The following CES5A variants were observed in gnomAD, a reference collection of about 807,000 sequenced individuals.
CES5A encodes the protein carboxylesterase 5.
In CES5A, 67 loss-of-function variants were observed where a neutral mutation model predicts 62.9. That is an observed-to-expected ratio of 1.07 (90% CI 0.88 to 1.31). CES5A has a LOEUF of 1.31. Among genes scored for constraint, CES5A ranks in the 50% most tolerant of loss-of-function variants. The pLI is 0.00. For missense variants in CES5A, 748 were observed against 708.5 expected (o/e 1.06, Z -0.63); for synonymous variants, 296 against 280.8 (o/e 1.05, Z -0.54).
chr16:55,846,718 C>T, intron 12 of CES5A, 36 bp from the exon 13 acceptor site: 4 of 1,612,796 alleles, frequency 2.5e-6, no homozygotes, highest in Non-Finnish European at 3.4e-6. Context: ...TGAGATTTTC[C>T]TCCTCACACC....
At position 55,943,519 on chromosome 16, in the gene CES5A, C is replaced by G. The variant is rs139952416; in HGVS notation, c.160+6266G>C. ...TAAATGTCAGCTTCCTCAATTCTCA[C>G]CACATTAATCTCTTTTGCATACCAA... is the stretch of plus-strand genomic sequence containing the variant. On this transcript the variant is annotated intron_variant, in intron 2 of 13. Transcript: ENST00000521992. Among the ~76,000 whole-genome samples, 225 of 152,318 alleles carry G rather than the reference C, an allele frequency of 1.5e-3. 1 individual carries two copies. The highest frequency in any genetic ancestry group is 5.1e-3 in the African/African-American group (211 of 41,594).
intron 1 of CES5A, among the ~76,000 whole-genome samples, chr16:55,918,616 C>G (rs1383782609): frequency 1.3e-5 from 2 of 152,128 alleles, no homozygotes; most frequent in African/African-American, 4.8e-5. Context: ...TGTGACTATT[C>G]CTATTTTCAA....
At chr16:55,947,309 G>T (rs551997257) in intron 2 of CES5A, among the ~76,000 whole-genome samples, 19 of 152,292 alleles carry the variant, frequency 1.2e-4, no homozygotes, top group Admixed American at 9.2e-4. Flanking sequence ...GATACGAAAA[G>T]GGGCTTATGG....
At chr16:55,848,765 T>C (rs2033068626) in intron 11 of CES5A, among the ~76,000 whole-genome samples, 1 of 152,140 alleles carries the variant, frequency 6.6e-6, no homozygotes, top group Non-Finnish European at 1.5e-5. Flanking sequence ...GTTTAGGGAG[T>C]CCATGTGCCA....
intron 7 of CES5A, among the ~76,000 whole-genome samples, chr16:55,860,153 GC>G (rs777283093): frequency 5.3e-5 from 8 of 150,920 alleles, no homozygotes; most frequent in Non-Finnish European, 1.2e-4. Flanking sequence ...CCCTGAACAA[GC>G]TTTTTTTTTG....
In CES5A at chr16:55,869,749, G is replaced by A; in HGVS notation, c.418-5C>T. The A allele has an allele frequency of 6.3e-7, 1 of 1,598,310 alleles. No individual in the cohort carries two copies. Among genetic ancestry groups the A allele is most frequent in the Non-Finnish European group, 8.5e-7 (1 of 1,170,682 alleles). Reference sequence around the variant, plus strand: ...TCCTGGGAACCACACCAAGACCTGAGGAGGGGAGAAGAGCATCCAGTCAGC... The same window carrying A: ...TCCTGGGAACCACACCAAGACCTGAAGAGGGGAGAAGAGCATCCAGTCAGC... On this transcript the variant is annotated splice_region_variant and splice_polypyrimidine_tract_variant and intron_variant, in intron 3 of 12. Transcript: ENST00000290567.
chr16:55,930,755 CT>C (rs2034302377), intron 2 of CES5A, among the ~76,000 whole-genome samples: 1 of 152,122 alleles, frequency 6.6e-6, no homozygotes, highest in African/African-American at 2.4e-5. Context: ...TTTTCCAGTG[CT>C]AAACTGTAGG....
At position 55,873,897 on chromosome 16, in the gene CES5A, A is replaced by G; in HGVS notation, c.214T>C (p.Phe72Leu). 1 of 1,613,806 alleles carries G rather than the reference A, an allele frequency of 6.2e-7. No individual in the cohort carries two copies. The highest frequency in any genetic ancestry group is 8.5e-7 in the Non-Finnish European group (1 of 1,179,976). ...GGCGATGCAGGCTGCGGGTTCGTAA[A>G]TCGCAGGGATCCCAGCGGGGGAGCA... ...FAAPPLGSLRFTNPQPASPWD... is the reference protein window; with the variant it reads ...FAAPPLGSLRLTNPQPASPWD... The change falls in exon 2 of 13, where the codon TTT becomes CTT. Residue 72 changes from phenylalanine to leucine, a missense_variant. Phe to Leu is a conservative substitution (Grantham distance 22). Coordinates refer to ENST00000290567, the MANE Select transcript of CES5A (RefSeq NM_001143685.2).
At chr16:55,853,287 T>C (rs146098907) in intron 9 of CES5A, among the ~76,000 whole-genome samples, 3 of 152,342 alleles carry the variant, frequency 2.0e-5, no homozygotes, top group Non-Finnish European at 4.4e-5. Context: ...AATCCCATGC[T>C]CCTGACCACA....
intron 3 of CES5A, 41 bp from the exon 4 acceptor site, chr16:55,869,785 C>T: frequency 6.4e-7 from 1 of 1,565,002 alleles, no homozygotes; most frequent in South Asian, 1.2e-5. Flanking sequence ...CCACCAGGCA[C>T]CACCTCCCCT....
At position 55,871,856 on chromosome 16, in the gene CES5A, G is replaced by A. The variant is rs78002815; in HGVS notation, c.279-93C>T. 3.2e-5 allele frequency: 43 copies of A among 1,354,204 alleles called. 1 individual carries two copies. The highest frequency in any genetic ancestry group is 9.1e-5 in the South Asian group (7 of 76,758). 83.9% of individuals were successfully genotyped at this position (1,354,204 alleles called of 1,614,324 possible). The stretch of plus-strand genomic sequence containing the variant: ...CTTCTGACAGCGGGGAGGCCTGGCC[G>A]TCTCCTCTGCCTGAGCAGAAGAGGC... On this transcript the variant is annotated intron_variant, in intron 2 of 12. Coordinates refer to ENST00000290567, the MANE Select transcript of CES5A (RefSeq NM_001143685.2).
chr16:55,846,688 A>C lies in CES5A; in HGVS notation c.1497-6T>G. On this transcript the variant is annotated splice_region_variant and splice_polypyrimidine_tract_variant and intron_variant, in intron 12 of 12. Transcript: ENST00000290567. ...GGTCGTTCCCATTAGGATTCCTAGA[A>C]GGGAGAGCAGAAACAGGGGTGAGAT... is the stretch of plus-strand genomic sequence containing the variant. 1 of 1,613,610 alleles carries C rather than the reference A, an allele frequency of 6.2e-7. No homozygotes were observed. The highest frequency in any genetic ancestry group is 1.1e-5 in the South Asian group (1 of 91,070).
At chr16:55,947,016 C>G (rs1458826605) in intron 2 of CES5A, among the ~76,000 whole-genome samples, 3 of 152,088 alleles carry the variant, frequency 2.0e-5, no homozygotes, top group African/African-American at 7.2e-5. Context: ...CAATGTGAGG[C>G]CAAAGCAAGT....
At chr16:55,866,470 A>C (rs1222607537) in intron 4 of CES5A, among the ~76,000 whole-genome samples, 4 of 151,962 alleles carry the variant, frequency 2.6e-5, no homozygotes, top group African/African-American at 9.7e-5. Flanking sequence ...CTGTACTAGA[A>C]AGCAAGAAGT....
chr16:55,859,903 C>T (rs1205890047), intron 7 of CES5A, among the ~76,000 whole-genome samples: 1 of 152,138 alleles, frequency 6.6e-6, no homozygotes, highest in East Asian at 1.9e-4. Flanking sequence ...CTTGTCTGTG[C>T]CTTATTTTCT....
intron 1 of CES5A, among the ~76,000 whole-genome samples, chr16:55,896,714 G>A (rs1172667322): frequency 1.3e-5 from 2 of 152,158 alleles, no homozygotes; most frequent in Non-Finnish European, 1.5e-5. Context: ...CTGCCAGGGT[G>A]GAGAGCTTCA....
intron 8 of CES5A, among the ~76,000 whole-genome samples, chr16:55,857,860 C>T (rs1192562879): frequency 6.6e-6 from 1 of 152,136 alleles, no homozygotes; most frequent in Non-Finnish European, 1.5e-5. Context: ...TGGGCAACTC[C>T]CCTAATATCA....
intron 1 of CES5A, among the ~76,000 whole-genome samples, chr16:55,952,926 C>A (rs2034573988): frequency 6.6e-6 from 1 of 152,060 alleles, no homozygotes; most frequent in South Asian, 2.1e-4. Flanking sequence ...GCTACCATAA[C>A]CAAATACCAA....
intron 1 of CES5A, among the ~76,000 whole-genome samples, chr16:55,903,507 C>T (rs1315256486): frequency 2.0e-5 from 3 of 152,168 alleles, no homozygotes; most frequent in African/African-American, 7.2e-5. Flanking sequence ...CAAGTCACAC[C>T]AACCTCTCTG....
Sources: gnomAD v4.1 joint callset for allele counts (sites outside exome capture counted in the v4.1 genomes callset) on GRCh38, gnomAD v4.1.1 for gene constraint, MANE v1.5 for transcripts, NCBI Gene and HGNC (gene_info 2026-07-23, HGNC 2026-07-21) for gene names.